Variants in USP34 observed in about 807,000 individuals in gnomAD.
USP34 encodes the protein ubiquitin specific peptidase 34.
In USP34, 70 loss-of-function variants were observed where a neutral mutation model predicts 460.3. The observed-to-expected ratio is 0.15, with a 90% CI of 0.13 to 0.19. USP34 has a LOEUF of 0.19. Ranked by LOEUF, USP34 falls within the 10% of genes least tolerant of loss-of-function variation. The probability of loss-of-function intolerance (pLI) is 1.00; values close to 1 mark genes in which losing one functional copy is unlikely to be tolerated. For missense variants in USP34, 3,985 were observed against 4,236.2 expected (o/e 0.94, Z 1.65); for synonymous variants, 1,647 against 1,405.3 (o/e 1.17, Z -3.85).
intron 2 of USP34, among the ~76,000 whole-genome samples, chr2:61,408,284 G>C (rs1355799199): frequency 6.6e-6 from 1 of 152,004 alleles, no homozygotes; most frequent in Non-Finnish European, 1.5e-5. Context: ...GAACCAAACA[G>C]CTAAAGGACT....
chr2:61,429,119 T>C (rs1408250383), intron 1 of USP34, among the ~76,000 whole-genome samples: 1 of 151,320 alleles, frequency 6.6e-6, no homozygotes, highest in Admixed American at 6.6e-5. Flanking sequence ...TGGGCAACAG[T>C]ACAAGACACT....
At chr2:61,220,180 AAAGG>A in intron 67 of USP34, 126 bp downstream of exon 67, 1 of 493,564 alleles carries the variant, frequency 2.0e-6, no homozygotes, top group Non-Finnish European at 3.1e-6. Flanking sequence ...AAAAAAAAAA[AAAGG>A]AAATAACATC....
chr2:61,294,262 C>T (rs903486196), intron 32 of USP34, among the ~76,000 whole-genome samples: 6 of 151,568 alleles, frequency 4.0e-5, no homozygotes, highest in Admixed American at 6.6e-5. Flanking sequence ...AGGAGAATCG[C>T]GTGAACCTGG....
At chr2:61,398,040 T>A (rs975270579) in intron 3 of USP34, among the ~76,000 whole-genome samples, 2 of 151,980 alleles carry the variant, frequency 1.3e-5, no homozygotes, top group African/African-American at 4.8e-5. Context: ...CAATGCACTC[T>A]AGCTTGGGCA....
rs891217279 is a variant in USP34, at chr2:61,188,692, G to C, written c.10051C>G (p.Pro3351Ala). The C allele has an allele frequency of 1.2e-6, 2 of 1,613,000 alleles. No individual in the cohort carries two copies. The highest frequency in any genetic ancestry group is 1.7e-6 in the Non-Finnish European group (2 of 1,179,632). ...RKTKDDEGAT[P>A]IKRRRVSSDE... ...CTGCTAACACGCCGCCTTTTAATGG[G>C]AGTTGCTCCTTCATCATCTGTGAAA... The change falls in exon 80 of 80, where the codon CCC becomes GCC. Residue 3351 changes from proline to alanine, a missense_variant. Coordinates refer to ENST00000398571, the MANE Select transcript of USP34 (RefSeq NM_014709.4).
At chr2:61,388,680 C>T (rs1350847075) in intron 5 of USP34, among the ~76,000 whole-genome samples, 3 of 151,278 alleles carry the variant, frequency 2.0e-5, no homozygotes, top group African/African-American at 7.4e-5. Flanking sequence ...GGTGTGAACC[C>T]GCGAGGCAGA....
At chr2:61,470,120 G>C (rs1450181066) in intron 1 of USP34, among the ~76,000 whole-genome samples, 1 of 152,206 alleles carries the variant, frequency 6.6e-6, no homozygotes, top group Non-Finnish European at 1.5e-5. Flanking sequence ...AGCTATTTAA[G>C]GTCTGGCTGA....
Position 61,383,328 on chromosome 2 carries a change from T to C in USP34, c.762A>G (p.Ile254Met). 6.2e-7 allele frequency: 1 copy of C among 1,600,666 alleles called. No individual in the cohort carries two copies. The highest frequency in any genetic ancestry group is 2.2e-5 in the East Asian group (1 of 44,716). Residue 254 changes from isoleucine to methionine, a missense_variant, in exon 6 of 80, where the codon ATA (isoleucine) becomes ATG (methionine). Physicochemically the swap from Ile to Met is conservative, Grantham distance 10. Transcript: ENST00000398571. The part of the protein sequence containing the change: ...AFITVVSNIR[I>M]WLHIPAVMQH... ...GCATGACAGCGGGAATATGTAGCCA[T>C]ATTCTAATCTATATAAGAAACATAA...
At chr2:61,330,903 A>T (rs1691240772) in intron 20 of USP34, among the ~76,000 whole-genome samples, 1 of 152,170 alleles carries the variant, frequency 6.6e-6, no homozygotes, top group Non-Finnish European at 1.5e-5. Context: ...ATTAACTGTT[A>T]ATTATTTTTG....
chr2:61,242,576 G>A (rs1688299672), intron 51 of USP34, among the ~76,000 whole-genome samples: 1 of 151,528 alleles, frequency 6.6e-6, no homozygotes, highest in South Asian at 2.1e-4. Flanking sequence ...GAATAAGAAA[G>A]AAAGGTCATA....
intron 2 of USP34, 144 bp from the exon 3 acceptor site, chr2:61,406,272 CAT>C (rs746358717): frequency 1.6e-5 from 11 of 695,600 alleles, no homozygotes; most frequent in Non-Finnish European, 2.2e-5. Context: ...ACCTTAATAA[CAT>C]AAAGATAGCA....
At chr2:61,458,843 G>A (rs1439981754) in intron 1 of USP34, among the ~76,000 whole-genome samples, 3 of 151,942 alleles carry the variant, frequency 2.0e-5, no homozygotes, top group Non-Finnish European at 4.4e-5. Flanking sequence ...CAAGGCAGGT[G>A]GATGGTGAGG....
intron 2 of USP34, 23 bp from the exon 3 acceptor site, chr2:61,406,151 T>A: frequency 2.7e-6 from 4 of 1,484,646 alleles, no homozygotes; most frequent in Non-Finnish European, 3.6e-6. Context: ...AAAAATTGAA[T>A]AAATTAGTAA....
intron 51 of USP34, 129 bp from the exon 52 acceptor site, chr2:61,241,948 G>A (rs1461164561): frequency 1.4e-5 from 7 of 509,916 alleles, no homozygotes; most frequent in South Asian, 3.7e-5. Flanking sequence ...TTCAAACACC[G>A]CCGCCTTCAT....
At chr2:61,369,672 A>AG (rs1461998247) in intron 10 of USP34, among the ~76,000 whole-genome samples, 4 of 141,008 alleles carry the variant, frequency 2.8e-5, no homozygotes, top group Non-Finnish European at 4.7e-5. Flanking sequence ...AAAAAGACTG[A>AG]GGGAAAAAAT....
chr2:61,432,605 C>G (rs538422698), intron 1 of USP34, among the ~76,000 whole-genome samples: 11 of 152,188 alleles, frequency 7.2e-5, no homozygotes, highest in Admixed American at 7.2e-4. Flanking sequence ...ACAGCAAGAC[C>G]CCATCTTTAA....
intron 19 of USP34, 33 bp downstream of exon 19, chr2:61,333,849 T>C (rs1691342051): frequency 7.1e-7 from 1 of 1,406,138 alleles, no homozygotes; most frequent in Non-Finnish European, 9.5e-7. Context: ...AAAAAATCTT[T>C]AAAATAAATA....
At chr2:61,383,844 CTATATAT>C (rs1271743032) in intron 5 of USP34, among the ~76,000 whole-genome samples, 2 of 152,158 alleles carry the variant, frequency 1.3e-5, no homozygotes, top group East Asian at 1.9e-4. Context: ...GAAATTTAAC[CTATATAT>C]TATATATCTT....
Position 61,239,322 on chromosome 2 carries a change from A to T in USP34, c.6777+2238T>A, listed in dbSNP as rs935002480. On this transcript the variant is annotated intron_variant, in intron 53 of 79. Transcript: ENST00000398571. ...CTGTCACACACACACACACACACAC[A>T]CACACACACACACACACACACACAC... Among the ~76,000 whole-genome samples the T allele has an allele frequency of 1.6e-3, 245 of 151,110 alleles. 4 individuals carry two copies. The South Asian group carries it at 0.044, about 27-fold the overall frequency.
Sources: allele counts gnomAD v4.1 joint callset (sites outside exome capture counted in the v4.1 genomes callset), GRCh38; gene constraint gnomAD v4.1.1; transcripts MANE v1.5; gene names NCBI Gene and HGNC (gene_info 2026-07-23, HGNC 2026-07-21).